LGSN: variants seen among roughly 807,000 people sequenced by gnomAD.
The protein encoded by LGSN is lengsin.
LGSN carries 21 observed loss-of-function variants against 19.5 expected under a neutral mutation model. The observed-to-expected ratio is 1.07, with a 90% CI of 0.76 to 1.55. The LOEUF (loss-of-function observed/expected upper bound fraction) is 1.55. LGSN is among the 40% of genes most tolerant of loss of function. The probability of loss-of-function intolerance (pLI) is 0.00; values close to 1 mark genes in which losing one functional copy is unlikely to be tolerated. For synonymous variants in LGSN, 257 were observed against 215.6 expected (o/e 1.19, Z -1.68); for missense variants, 673 against 608.5 (o/e 1.11, Z -1.12).
At chr6:63,560,229 T>C in the LGSN span, among the ~76,000 whole-genome samples, 2 of 151,290 alleles carry the variant, frequency 1.3e-5, no homozygotes, top group African/African-American at 2.4e-5. Flanking sequence ...TCCCAGCTAC[T>C]TGGGAGGCTG....
At chr6:63,335,496 G>A in the LGSN span, among the ~76,000 whole-genome samples, 237 of 152,152 alleles carry the variant, frequency 1.6e-3, 1 homozygote, top group African/African-American at 5.2e-3. Flanking sequence ...GTGGGCAAAC[G>A]ACATGAATAG....
At chr6:63,485,906 T>C in the LGSN span, among the ~76,000 whole-genome samples, 1 of 151,998 alleles carries the variant, frequency 6.6e-6, no homozygotes, top group Non-Finnish European at 1.5e-5. Flanking sequence ...TTTTTTGTAT[T>C]TTTAGTAGAG....
chr6:63,351,909 T>C, the LGSN span, among the ~76,000 whole-genome samples: 1 of 152,232 alleles, frequency 6.6e-6, no homozygotes, highest in African/African-American at 2.4e-5. Flanking sequence ...ATTTACTGTT[T>C]CAATATATCA....
chr6:63,446,645 G>A, the LGSN span, among the ~76,000 whole-genome samples: 1 of 152,208 alleles, frequency 6.6e-6, no homozygotes, highest in Non-Finnish European at 1.5e-5. Context: ...CCTAACCTAT[G>A]AGTTTTGAAA....
At chr6:63,386,404 A>T in the LGSN span, among the ~76,000 whole-genome samples, 1 of 151,538 alleles carries the variant, frequency 6.6e-6, no homozygotes, top group Non-Finnish European at 1.5e-5. Flanking sequence ...TTATTTTACT[A>T]TTATTATTAT....
the LGSN span, among the ~76,000 whole-genome samples, chr6:63,554,068 G>A: frequency 6.6e-6 from 1 of 152,142 alleles, no homozygotes; most frequent in Non-Finnish European, 1.5e-5. Context: ...ATTCAGTGCT[G>A]TAATTTAAAT....
the LGSN span, among the ~76,000 whole-genome samples, chr6:63,558,276 G>A: frequency 1.3e-5 from 2 of 152,054 alleles, no homozygotes; most frequent in South Asian, 2.1e-4. Flanking sequence ...AAGTAAAAGG[G>A]GGAAGGAGGG....
chr6:63,483,388 C>CA, the LGSN span, among the ~76,000 whole-genome samples: 3 of 145,774 alleles, frequency 2.1e-5, no homozygotes, highest in Admixed American at 6.9e-5. Context: ...TTTTTTGAGA[C>CA]AGAGTTTCAC....
the LGSN span, among the ~76,000 whole-genome samples, chr6:63,444,253 G>A: frequency 1.3e-5 from 2 of 152,162 alleles, no homozygotes; most frequent in Non-Finnish European, 2.9e-5. Context: ...ACAGAAAGAT[G>A]AGTTAAATTC....
At chr6:63,467,739 T>A in the LGSN span, among the ~76,000 whole-genome samples, 3 of 152,222 alleles carry the variant, frequency 2.0e-5, no homozygotes, top group Non-Finnish European at 4.4e-5. Context: ...TTGCCCAGGC[T>A]GCAGTGCGGT....
At chr6:63,412,770 AGGAAGGAAGGGAAG>A in the LGSN span, among the ~76,000 whole-genome samples, 7 of 16,328 alleles carry the variant, frequency 4.3e-4, no homozygotes, top group Non-Finnish European at 8.6e-4. Context: ...AAAGAAAGAA[AGGAAGGAAGGGAAG>A]GAAGGAAAGA....
the LGSN span, among the ~76,000 whole-genome samples, chr6:63,373,487 T>C: frequency 6.6e-6 from 1 of 152,110 alleles, no homozygotes; most frequent in Admixed American, 6.6e-5. Flanking sequence ...CTGAATCTAA[T>C]CATGAAGAAA....
the LGSN span, among the ~76,000 whole-genome samples, chr6:63,419,330 G>C: frequency 6.6e-6 from 1 of 152,152 alleles, no homozygotes; most frequent in African/African-American, 2.4e-5. Flanking sequence ...AAAATCCAAT[G>C]TGTTGATTTT....
At chr6:63,428,649 C>G in the LGSN span, among the ~76,000 whole-genome samples, 4 of 152,220 alleles carry the variant, frequency 2.6e-5, no homozygotes, top group African/African-American at 9.6e-5. Flanking sequence ...CCGCACCCGA[C>G]CAGGCATAAT....
the LGSN span, among the ~76,000 whole-genome samples, chr6:63,334,004 C>A: frequency 1.3e-5 from 2 of 151,990 alleles, no homozygotes; most frequent in African/African-American, 4.8e-5. Flanking sequence ...TAACAAATGC[C>A]CAGCTGACAT....
At chr6:63,365,255 A>T in the LGSN span, among the ~76,000 whole-genome samples, 1 of 152,236 alleles carries the variant, frequency 6.6e-6, no homozygotes, top group East Asian at 1.9e-4. Context: ...GAAAGGGGAT[A>T]TCACCATCGA....
the LGSN span, among the ~76,000 whole-genome samples, chr6:63,391,077 G>C: frequency 6.6e-6 from 1 of 152,114 alleles, no homozygotes; most frequent in Admixed American, 6.6e-5. Context: ...AGTATTATCA[G>C]ATCTCAAATA....
chr6:63,491,092 A>G, the LGSN span, among the ~76,000 whole-genome samples: 4 of 151,898 alleles, frequency 2.6e-5, no homozygotes, highest in African/African-American at 9.7e-5. Flanking sequence ...CCTCATACAC[A>G]CATTCAGAAA....
chr6:63,335,896 A>C, the LGSN span, among the ~76,000 whole-genome samples: 2 of 152,144 alleles, frequency 1.3e-5, no homozygotes, highest in Non-Finnish European at 2.9e-5. Flanking sequence ...ACTATTCACA[A>C]TAGAAGATAT....
Sources: allele counts gnomAD v4.1 joint callset (sites outside exome capture counted in the v4.1 genomes callset), GRCh38; gene constraint gnomAD v4.1.1; transcripts MANE v1.5; gene names NCBI Gene and HGNC (gene_info 2026-07-23, HGNC 2026-07-21).